The following MYBPC3 variants were observed in gnomAD, a reference collection of about 807,000 sequenced individuals.
MYBPC3 encodes the protein myosin-binding protein C, cardiac-type.
Under a neutral mutation model 159.3 loss-of-function variants are expected in MYBPC3, and 108 were observed. That is an observed-to-expected ratio of 0.68 (90% confidence interval 0.58 to 0.80). MYBPC3 has a LOEUF of 0.80. Ranked by LOEUF, MYBPC3 falls within the 30% of genes least tolerant of loss-of-function variation. MYBPC3 has a pLI of 0.00. For synonymous variants in MYBPC3, 730 were observed against 702.0 expected, an observed-to-expected ratio of 1.04 and a Z score of -0.63; for missense variants, 1,631 against 1,762.1, an observed-to-expected ratio of 0.93 and a Z score of 1.33.
chr11:47,333,744 G>A lies in MYBPC3; in HGVS notation c.3003C>T (p.Pro1001=), dbSNP rs397515996. 1.8e-5 allele frequency: 29 copies of A among 1,598,732 alleles called. 1 individual carries two copies. The Admixed American group carries it at 3.7e-4, about 20-fold the overall frequency. ...CTTTGGTCCAGGTCACCTGAGGCCG[G>A]GGCTTGCCCTGAGGGGAGGAAAAGC... The part of the protein sequence containing the change: ...VNLLIPFQGK[P]RPQVTWTKEG... Residue 1001 remains proline, a synonymous_variant, in exon 29 of 35, where the codon CCC becomes CCT. Transcript: ENST00000545968.
In MYBPC3 at chr11:47,347,617, C is replaced by T. The variant is rs575961176; in HGVS notation, c.851+34G>A. 38 of 1,566,950 alleles carry T rather than the reference C, an allele frequency of 2.4e-5. No individual in the cohort carries two copies. The South Asian group carries it at 2.7e-4, about 11-fold the overall frequency. On this transcript the variant is annotated intron_variant, in intron 8 of 34. Transcript: ENST00000545968. ...CCCGTCTCAGACCCCTGGGGGTCTG[C>T]GGATGGTGCAGGTAGGGCCTGGGGC...
Position 47,338,701 on chromosome 11 carries a change from G to T in MYBPC3, c.2149-22C>A. On this transcript the variant is annotated intron_variant, in intron 22 of 34. Coordinates refer to ENST00000545968, the MANE Select transcript of MYBPC3 (RefSeq NM_000256.3). The surrounding 1 kb of genome is among the most constrained non-coding windows in gnomAD (Gnocchi z 4.7). ...GCAGCTGGGGGGGTGCAGAGTTGGG[G>T]TGAGATCCAAGTCAGACCCCAGAGG... 1 of 1,596,418 alleles carries T rather than the reference G, an allele frequency of 6.3e-7. No individual in the cohort carries two copies. Among genetic ancestry groups the T allele is most frequent in the Non-Finnish European group, 8.5e-7 (1 of 1,171,212 alleles).
In MYBPC3 at chr11:47,348,013, A is replaced by G. The variant is rs566523234; in HGVS notation, c.773-108T>C. 25 of 1,093,566 alleles carry G rather than the reference A, an allele frequency of 2.3e-5. No homozygotes were observed. In the African/African-American group the frequency reaches 3.3e-4, roughly 14 times the overall value. 67.7% of individuals were successfully genotyped at this position (1,093,566 alleles called of 1,614,324 possible). A position where few individuals can be genotyped will look rare whatever the true frequency, so the allele number is the denominator to read the frequency against. ...GTATTCACAGACTTGCCCATTCATGACCCCATGAGGCTGGGCATCTGCCCC... is the reference window on the plus strand; with the variant it reads ...GTATTCACAGACTTGCCCATTCATGGCCCCATGAGGCTGGGCATCTGCCCC... On this transcript the variant is annotated intron_variant, in intron 6 of 34. Coordinates refer to ENST00000545968, the MANE Select transcript of MYBPC3 (RefSeq NM_000256.3).
chr11:47,331,929 G>C, intron 33 of MYBPC3, 48 bp from the exon 34 acceptor site: 1 of 1,604,998 alleles, frequency 6.2e-7, no homozygotes, highest in South Asian at 1.1e-5. Flanking sequence ...CCTTCTGGAA[G>C]CTATTGCCCA....
Position 47,337,417 on chromosome 11 carries a change from G to T in MYBPC3, c.2576C>A (p.Pro859His). Residue 859 changes from proline (P) to histidine (H), a missense_variant, in exon 25 of 35, where the codon CCT becomes CAT. Physicochemically the swap from Pro to His is moderately conservative, Grantham distance 77. Coordinates refer to ENST00000545968, the MANE Select transcript of MYBPC3 (RefSeq NM_000256.3). ...VNAIGMSRPS[P>H]ASQPFMPIGP... is the part of the protein sequence containing the mutation. ...GATAGGCATGAAGGGCTGGGAGGCAGGGCTGGGCCTGGACATGCCGATGGC... is the reference window on the plus strand; with the variant it reads ...GATAGGCATGAAGGGCTGGGAGGCATGGCTGGGCCTGGACATGCCGATGGC... 6.2e-7 allele frequency: 1 copy of T among 1,602,532 alleles called. No individual in the cohort carries two copies.
chr11:47,335,131 C>G lies in MYBPC3; in HGVS notation c.2816G>C (p.Arg939Pro), dbSNP rs946763177. The change falls in exon 27 of 35, where the codon CGG (arginine) becomes CCG (proline). Residue 939 changes from arginine (R) to proline (P), a missense_variant. Arg to Pro is a moderately radical substitution (Grantham distance 103). Coordinates refer to ENST00000545968, the MANE Select transcript of MYBPC3 (RefSeq NM_000256.3). ...ILVKDLPTGA[R>P]LLFRVRAHNM... Reference sequence around the variant, plus strand: ...GTGTGCCCGCACTCGGAAAAGCAGCCGGGCCCCCGTGGGCAGGTCCTTCAC... The same window carrying G: ...GTGTGCCCGCACTCGGAAAAGCAGCGGGGCCCCCGTGGGCAGGTCCTTCAC... 5 of 1,612,650 alleles carry G rather than the reference C, an allele frequency of 3.1e-6. No homozygotes were observed. The African/African-American group carries it at 5.3e-5, about 17-fold the overall frequency.
Position 47,342,016 on chromosome 11 carries a change from G to A in MYBPC3, c.1765C>T (p.Arg589Cys), listed in dbSNP as rs1329919535. 7.0e-6 allele frequency: 11 copies of A among 1,582,624 alleles called. No individual in the cohort carries two copies. Among genetic ancestry groups the A allele is most frequent in the East Asian group, 2.3e-5 (1 of 43,456 alleles). The change falls in exon 18 of 35, where the codon CGC becomes TGC. Residue 589 changes from arginine (R) to cysteine (C), a missense_variant. Coordinates refer to ENST00000545968, the MANE Select transcript of MYBPC3 (RefSeq NM_000256.3). ...CGCCCGATGTGGGACACCTTTATGC[G>A]GCTGTCGGGCACCAGCTCCTTCCCA... is the stretch of plus-strand genomic sequence containing the variant. ...KNGKELVPDSRIKVSHIGRVH... is the reference protein window; with the variant it reads ...KNGKELVPDSCIKVSHIGRVH...
intron 25 of MYBPC3, among the ~76,000 whole-genome samples, chr11:47,336,554 C>T (rs902633028): frequency 7.3e-5 from 11 of 150,636 alleles, no homozygotes; most frequent in South Asian, 6.3e-4. Flanking sequence ...TTTCCTGGCA[C>T]GTATGATTAG....
chr11:47,331,777 G>T, intron 34 of MYBPC3, 61 bp from the exon 35 acceptor site: 1 of 1,492,010 alleles, frequency 6.7e-7, no homozygotes, highest in African/African-American at 1.4e-5. Context: ...ATTTACTGAT[G>T]GCTGCCCCAG....
chr11:47,343,162 G>A lies in MYBPC3; in HGVS notation c.1227-17C>T. The A allele has an allele frequency of 1.9e-6, 3 of 1,607,746 alleles. No homozygotes were observed. Among genetic ancestry groups the A allele is most frequent in the Non-Finnish European group, 2.5e-6 (3 of 1,176,820 alleles). ...AAGATGTACCTGGGTGGGGGCCGCA[G>A]GGAAGTGGCAGGAAAGCTGCGGACA... On this transcript the variant is annotated splice_polypyrimidine_tract_variant and intron_variant, in intron 14 of 34. Coordinates refer to ENST00000545968, the MANE Select transcript of MYBPC3 (RefSeq NM_000256.3).
At position 47,348,294 on chromosome 11, in the gene MYBPC3, A is replaced by G. The variant is rs1158663435; in HGVS notation, c.772+130T>C. ...GGTTTCTCTCACACCCTGTGTGTGC[A>G]GCACTGGGCACGTGGCCAGCACTCA... On this transcript the variant is annotated intron_variant, in intron 6 of 34. Coordinates refer to ENST00000545968, the MANE Select transcript of MYBPC3 (RefSeq NM_000256.3). The G allele has an allele frequency of 4.2e-6, 3 of 706,012 alleles. No homozygotes were observed. The African/African-American group carries it at 5.3e-5, about 13-fold the overall frequency. The allele number at this position is 706,012 out of a possible 1,614,324, so 43.7% of individuals were successfully genotyped here.
chr11:47,348,383 T>TG (rs1341375358), intron 6 of MYBPC3, 41 bp downstream of exon 6: 7 of 1,456,590 alleles, frequency 4.8e-6, no homozygotes, highest in South Asian at 2.4e-5. Context: ...CCAGGACCCA[T>TG]GGGGAGCCCG....
At chr11:47,347,230 G>T (rs947089424) in intron 9 of MYBPC3, 196 bp downstream of exon 9, 1 of 985,352 alleles carries the variant, frequency 1.0e-6, no homozygotes, top group Middle Eastern at 5.2e-4. Context: ...ACACTGTGAG[G>T]ATGACTGTTG....
Position 47,351,335 on chromosome 11 carries a change from G to A in MYBPC3, c.196C>T (p.Leu66=). The change falls in exon 2 of 35, where the codon CTG becomes TTG. Residue 66 remains leucine, a synonymous_variant. Transcript: ENST00000545968. The surrounding 1 kb of genome is among the most constrained non-coding windows in gnomAD (Gnocchi z 4.2). ...GLATEGTRHT[L]TVREVGPADQ... ...GCAGGGCCCACTTCCCGCACTGTCA[G>A]CGTATGCCGTGTGCCCTCTGTGGCC... is the stretch of plus-strand genomic sequence containing the variant. 1 of 1,597,242 alleles carries A rather than the reference G, an allele frequency of 6.3e-7. No individual in the cohort carries two copies. Among genetic ancestry groups the A allele is most frequent in the East Asian group, 2.3e-5 (1 of 43,800 alleles).
chr11:47,341,977 C>CCAACACACTCACCG lies in MYBPC3; in HGVS notation c.1790+13_1790+14insCGGTGAGTGTGTTG. 6.4e-7 allele frequency: 1 copy of CCAACACACTCACCG among 1,554,032 alleles called. No homozygotes were observed. The highest frequency in any genetic ancestry group is 1.4e-5 in the African/African-American group (1 of 73,304). ...AGTCTCCACCTGTCCCATCCACCTG[C>CCAACACACTCACCG]CCTGCACACTCACCGCCCGATGTGG... On this transcript the variant is annotated intron_variant, in intron 18 of 34. Transcript: ENST00000545968.
In MYBPC3 at chr11:47,332,406, A is replaced by T. The variant is rs2095878070; in HGVS notation, c.3628-148T>A. The stretch of plus-strand genomic sequence containing the variant: ...AAGGCTGGAAACAAACATGGAACCA[A>T]GAGTGAGTACCATGGCCCTGCCCAG... On this transcript the variant is annotated intron_variant, in intron 32 of 34. Coordinates refer to ENST00000545968, the MANE Select transcript of MYBPC3 (RefSeq NM_000256.3). This position sits in a 1 kb window ranked among gnomAD's most constrained non-coding sequence, Gnocchi z 4.2. 3 of 1,421,838 alleles carry T rather than the reference A, an allele frequency of 2.1e-6. No homozygotes were observed. Among genetic ancestry groups the T allele is most frequent in the Admixed American group, 1.9e-5 (1 of 51,376 alleles). The allele number at this position is 1,421,838 out of a possible 1,614,324, so 88.1% of individuals were successfully genotyped here. A position where few individuals can be genotyped will look rare whatever the true frequency, so the allele number is the denominator to read the frequency against.
chr11:47,339,312 A>G lies in MYBPC3; in HGVS notation c.2148+12T>C. ...GACAAACGAGCCTCCTCCTGACCTC[A>G]GTCTCACTCACCTTCTTGTCAAACA... On this transcript the variant is annotated intron_variant, in intron 22 of 34. Coordinates refer to ENST00000545968, the MANE Select transcript of MYBPC3 (RefSeq NM_000256.3). The G allele has an allele frequency of 1.2e-6, 2 of 1,613,646 alleles. No homozygotes were observed. Among genetic ancestry groups the G allele is most frequent in the Non-Finnish European group, 1.7e-6 (2 of 1,179,508 alleles).
rs2142853042 is a variant in MYBPC3 at position 47,335,209 on chromosome 11, C to T, written c.2738G>A (p.Cys913Tyr). 6.3e-7 allele frequency: 1 copy of T among 1,583,482 alleles called. No individual in the cohort carries two copies. The highest frequency in any genetic ancestry group is 1.4e-5 in the African/African-American group (1 of 73,802). The change falls in exon 27 of 35, where the codon TGC (cysteine) becomes TAC (tyrosine). Residue 913 changes from cysteine to tyrosine, a missense_variant and splice_region_variant. Cys to Tyr is a radical substitution (Grantham distance 194). Transcript: ENST00000545968. The part of the protein sequence containing the change: ...GYSVEYCPEG[C>Y]SEWVAALQGL... ...CTGCAGGGCAGCCACCCACTCTGAG[C>T]CTGGGGGTGGGGAGGGGGAGGCAAG...
intron 27 of MYBPC3, among the ~76,000 whole-genome samples, chr11:47,334,654 G>A (rs1224751015): frequency 1.3e-5 from 2 of 151,728 alleles, no homozygotes; most frequent in African/African-American, 4.8e-5. Context: ...GCCACCTCCC[G>A]GGTCCAAGCG....
Sources: allele counts gnomAD v4.1 joint callset (sites outside exome capture counted in the v4.1 genomes callset), GRCh38; gene constraint gnomAD v4.1.1; non-coding constraint Gnocchi (gnomAD v3.1); transcripts MANE v1.5; gene names NCBI Gene and HGNC (gene_info 2026-07-23, HGNC 2026-07-21).